DOCK1: variants seen among roughly 807,000 people sequenced by gnomAD.
DOCK1 encodes the protein dedicator of cytokinesis 1.
A neutral mutation model predicts 262.7 loss-of-function variants in DOCK1; 138 were observed. The observed-to-expected ratio is 0.53, with a 90% CI of 0.46 to 0.61. DOCK1 has a LOEUF of 0.61. Ranked by LOEUF, DOCK1 falls within the 20% of genes least tolerant of loss-of-function variation. The pLI is 0.00. For missense variants in DOCK1, 1,908 were observed against 2,370.7 expected (o/e 0.80, Z 4.05); for synonymous variants, 866 against 867.4 (o/e 1.00, Z 0.03).
chr10:127,232,060 GGGAA>G (rs1320921846), intron 27 of DOCK1, among the ~76,000 whole-genome samples: 1 of 152,064 alleles, frequency 6.6e-6, no homozygotes, highest in East Asian at 1.9e-4. Flanking sequence ...CAGAAAAGGA[GGGAA>G]GGAAGTGAGC....
In DOCK1 at chr10:127,164,621, C is replaced by T. The variant is rs546598964; in HGVS notation, c.2847+36857C>T. Among the ~76,000 whole-genome samples, 82 of 152,322 alleles carry T rather than the reference C, an allele frequency of 5.4e-4. No individual in the cohort carries two copies. The South Asian group carries it at 0.011, about 20-fold the overall frequency. ...ATAGACATTATTATTGTCAGAAATA[C>T]ATGCAGATTTGGACAGGGACAAATA... On this transcript the variant is annotated intron_variant, in intron 27 of 51. Coordinates refer to ENST00000623213, the MANE Select transcript of DOCK1 (RefSeq NM_001290223.2).
intron 29 of DOCK1, among the ~76,000 whole-genome samples, chr10:127,299,456 C>T (rs909399995): frequency 6.6e-6 from 1 of 152,134 alleles, no homozygotes; most frequent in Non-Finnish European, 1.5e-5. Context: ...GAAGAGAAGA[C>T]ACAGACACAC....
In DOCK1 at chr10:127,008,716, C is replaced by T. The variant is rs771518886; in HGVS notation, c.986-16C>T. On this transcript the variant is annotated splice_polypyrimidine_tract_variant and intron_variant, in intron 10 of 51. Transcript: ENST00000623213. ...CATTTAAGCCAAAACAATCTCTGTT[C>T]TCTTTTTGTCTCCAGTGATGGATGT... is the stretch of plus-strand genomic sequence containing the variant. 3.7e-5 allele frequency: 59 copies of T among 1,573,546 alleles called. 1 individual carries two copies. The South Asian group carries it at 6.5e-4, about 17-fold the overall frequency.
At chr10:127,252,950 G>T (rs1159823089) in intron 28 of DOCK1, among the ~76,000 whole-genome samples, 1 of 151,896 alleles carries the variant, frequency 6.6e-6, no homozygotes, top group African/African-American at 2.4e-5. Context: ...GCCCTTTTTG[G>T]TTGAGTGAGT....
chr10:127,359,657 A>G (rs1180852429), intron 32 of DOCK1, among the ~76,000 whole-genome samples: 1 of 152,256 alleles, frequency 6.6e-6, no homozygotes, highest in Non-Finnish European at 1.5e-5. Context: ...GCCTTAGTCA[A>G]AATATTAATT....
chr10:127,168,957 T>A (rs1236131961), intron 27 of DOCK1, among the ~76,000 whole-genome samples: 1 of 152,218 alleles, frequency 6.6e-6, no homozygotes, highest in Non-Finnish European at 1.5e-5. Context: ...CAGAGATTTC[T>A]TATCCCCTGA....
intron 27 of DOCK1, among the ~76,000 whole-genome samples, chr10:127,188,181 C>A (rs577192654): frequency 1.3e-5 from 2 of 152,196 alleles, no homozygotes; most frequent in Admixed American, 1.3e-4. Context: ...CACAGAGTGT[C>A]TGTGCCCTGG....
intron 43 of DOCK1, among the ~76,000 whole-genome samples, chr10:127,411,866 A>G (rs1446253587): frequency 6.6e-6 from 1 of 152,202 alleles, no homozygotes; most frequent in Non-Finnish European, 1.5e-5. Flanking sequence ...AGACATTGCA[A>G]AATAAAACAT....
chr10:126,947,834 A>G (rs2035658074), intron 1 of DOCK1, among the ~76,000 whole-genome samples: 2 of 26,076 alleles, frequency 7.7e-5, no homozygotes, highest in Non-Finnish European at 1.3e-4. Flanking sequence ...TGGTAGTATT[A>G]CTGTTGTTGG....
chr10:127,394,992 T>C (rs1488387809), intron 38 of DOCK1, among the ~76,000 whole-genome samples: 1 of 152,164 alleles, frequency 6.6e-6, no homozygotes, highest in Non-Finnish European at 1.5e-5. Flanking sequence ...GGTGGTTACA[T>C]TTCGTGCTTC....
At chr10:126,993,663 G>A (rs2039970430) in intron 6 of DOCK1, among the ~76,000 whole-genome samples, 1 of 152,232 alleles carries the variant, frequency 6.6e-6, no homozygotes, top group South Asian at 2.1e-4. Context: ...CACTGCGGCT[G>A]TTTTCATGCA....
At chr10:126,953,647 G>A (rs2036512174) in intron 1 of DOCK1, among the ~76,000 whole-genome samples, 1 of 152,112 alleles carries the variant, frequency 6.6e-6, no homozygotes, top group Non-Finnish European at 1.5e-5. Flanking sequence ...TCGTGGCATA[G>A]GCCTCCTGGG....
In DOCK1 at chr10:127,437,571, C is replaced by T. The variant is rs552932110; in HGVS notation, c.5061-1456C>T. 2.8e-4 allele frequency among the ~76,000 whole-genome samples: 43 copies of T among 152,068 alleles called. No homozygotes were observed. Among genetic ancestry groups the T allele is most frequent in the Non-Finnish European group, 5.4e-4 (37 of 68,004 alleles). Reference sequence around the variant, plus strand: ...TTGGCTCACTGCAATTTCTACCTCCCAGGCTCAAGCCATCCTGCCACCTCA... The same window carrying T: ...TTGGCTCACTGCAATTTCTACCTCCTAGGCTCAAGCCATCCTGCCACCTCA... On this transcript the variant is annotated intron_variant, in intron 48 of 51. Coordinates refer to ENST00000623213, the MANE Select transcript of DOCK1 (RefSeq NM_001290223.2). This position sits in a 1 kb window ranked among gnomAD's most constrained non-coding sequence, Gnocchi z 4.4.
rs975719412 is a variant in DOCK1, at chr10:127,024,800, C to T, written c.1551+17C>T. On this transcript the variant is annotated intron_variant, in intron 15 of 51. Transcript: ENST00000623213. ...ACTGTTAAGGTATTATTTACATGGT[C>T]ATTTTATCACATGGCGCTGATTATG... 6.4e-7 allele frequency: 1 copy of T among 1,565,152 alleles called. No individual in the cohort carries two copies. The highest frequency in any genetic ancestry group is 1.2e-5 in the South Asian group (1 of 85,884).
chr10:126,932,186 G>C (rs1263059809), intron 1 of DOCK1, among the ~76,000 whole-genome samples: 2 of 152,328 alleles, frequency 1.3e-5, no homozygotes, highest in Non-Finnish European at 2.9e-5. Flanking sequence ...CAGGCTAAAT[G>C]TGAAGTTTAA....
At chr10:127,011,685 C>CGGT (rs1259175233) in intron 11 of DOCK1, among the ~76,000 whole-genome samples, 7 of 151,696 alleles carry the variant, frequency 4.6e-5, no homozygotes, top group Admixed American at 2.0e-4. Flanking sequence ...TCTCCACACA[C>CGGT]GGTACCATTC....
intron 21 of DOCK1, 126 bp from the exon 22 acceptor site, chr10:127,052,555 C>T (rs2044807514): frequency 1.6e-6 from 2 of 1,269,324 alleles, no homozygotes; most frequent in Non-Finnish European, 1.1e-6. Context: ...AAACGTTTTA[C>T]AGATATTCAT....
At chr10:127,341,328 T>A (rs2063416693) in intron 30 of DOCK1, among the ~76,000 whole-genome samples, 1 of 152,182 alleles carries the variant, frequency 6.6e-6, no homozygotes, top group Admixed American at 6.5e-5. Context: ...GCTAGCAGAG[T>A]CGCTACTTTT....
chr10:127,052,563 C>T, intron 21 of DOCK1, 118 bp from the exon 22 acceptor site: 1 of 1,357,270 alleles, frequency 7.4e-7, no homozygotes, highest in South Asian at 1.4e-5. Flanking sequence ...TACAGATATT[C>T]ATATACTGAT....
Sources: allele counts gnomAD v4.1 joint callset (sites outside exome capture counted in the v4.1 genomes callset), GRCh38; gene constraint gnomAD v4.1.1; non-coding constraint Gnocchi (gnomAD v3.1); transcripts MANE v1.5; gene names NCBI Gene and HGNC (gene_info 2026-07-23, HGNC 2026-07-21).